Variants in HMGA2 observed in about 807,000 individuals in gnomAD.
HMGA2 encodes high mobility group AT-hook 2.
Under a neutral mutation model 19.1 loss-of-function variants are expected in HMGA2, and 8 were observed. That is an observed-to-expected ratio of 0.42 (90% CI 0.25 to 0.76). The LOEUF (loss-of-function observed/expected upper bound fraction) is 0.76, where lower values mean the gene tolerates loss of function less well. HMGA2 is among the 30% of genes least tolerant of loss of function. The pLI is 0.28. For missense variants in HMGA2, 109 were observed against 136.3 expected (o/e 0.80, Z 1.00); for synonymous variants, 60 against 48.8 (o/e 1.23, Z -0.96).
chr12:65,868,095 G>A (rs1020068923), intron 3 of HMGA2, among the ~76,000 whole-genome samples: 4 of 152,114 alleles, frequency 2.6e-5, no homozygotes, highest in African/African-American at 9.7e-5. Flanking sequence ...CATCTGAGAG[G>A]GAGCAAATAT....
At chr12:65,897,500 A>G (rs2121159107) in intron 3 of HMGA2, among the ~76,000 whole-genome samples, 1 of 152,330 alleles carries the variant, frequency 6.6e-6, no homozygotes, top group South Asian at 2.1e-4. Context: ...CTTGCCATGC[A>G]TTTTCTTATG....
At chr12:65,945,487 G>C (rs1440800273) in intron 3 of HMGA2, among the ~76,000 whole-genome samples, 11 of 151,980 alleles carry the variant, frequency 7.2e-5, no homozygotes, top group Admixed American at 3.3e-4. Context: ...CTGAGGATAA[G>C]AGCATATTTC....
At chr12:65,884,927 A>G (rs909221647) in intron 3 of HMGA2, among the ~76,000 whole-genome samples, 1 of 152,228 alleles carries the variant, frequency 6.6e-6, no homozygotes, top group East Asian at 1.9e-4. Context: ...ACATAGTGCT[A>G]TATGTGTTAA....
At chr12:65,908,931 T>C (rs778061618) in intron 3 of HMGA2, among the ~76,000 whole-genome samples, 25 of 152,200 alleles carry the variant, frequency 1.6e-4, no homozygotes, top group Non-Finnish European at 3.2e-4. Context: ...TATCCTACCA[T>C]CATCTTAAAA....
In HMGA2 at chr12:65,899,184, T is replaced by A. The variant is rs180785421; in HGVS notation, c.250-52199T>A. ...GTGTTCATCCTATTTTGCCTTCTGG[T>A]CAGTTTATAACTCGTGCTTCCGAAC... On this transcript the variant is annotated intron_variant, in intron 3 of 4. Transcript: ENST00000403681. Among the ~76,000 whole-genome samples, 9 of 152,140 alleles carry A rather than the reference T, an allele frequency of 5.9e-5. No homozygotes were observed. In the South Asian group the frequency reaches 1.7e-3, roughly 28 times the overall value.
intron 3 of HMGA2, among the ~76,000 whole-genome samples, chr12:65,878,926 GA>G (rs1281882041): frequency 6.6e-6 from 1 of 152,202 alleles, no homozygotes. Flanking sequence ...AGGTAAGATA[GA>G]AAGTGTAATA....
chr12:65,875,387 A>T (rs1004902829), intron 3 of HMGA2, among the ~76,000 whole-genome samples: 3 of 152,026 alleles, frequency 2.0e-5, no homozygotes, highest in Admixed American at 2.0e-4. Flanking sequence ...GTTGCAAAGA[A>T]ATATTTTATT....
chr12:65,947,403 C>T (rs1264997158), intron 3 of HMGA2, among the ~76,000 whole-genome samples: 1 of 152,182 alleles, frequency 6.6e-6, no homozygotes, highest in Non-Finnish European at 1.5e-5. Flanking sequence ...CACCCGGCCA[C>T]AGTTTCGTTT....
intron 4 of HMGA2, among the ~76,000 whole-genome samples, chr12:65,959,935 G>A (rs1334179840): frequency 6.6e-6 from 1 of 152,010 alleles, no homozygotes; most frequent in Non-Finnish European, 1.5e-5. Flanking sequence ...TGTCGCCCAG[G>A]CTGGAGTGCA....
intron 3 of HMGA2, among the ~76,000 whole-genome samples, chr12:65,946,847 AT>A (rs1262655855): frequency 1.3e-5 from 2 of 152,214 alleles, no homozygotes; most frequent in Non-Finnish European, 2.9e-5. Context: ...ATTTGGAGAA[AT>A]GTTCATTTGC....
At chr12:65,955,638 G>A (rs1876584551) in intron 4 of HMGA2, 1 of 152,168 alleles carries the variant, frequency 6.6e-6, no homozygotes, top group Non-Finnish European at 1.5e-5. Context: ...GATGCCTCTG[G>A]CAATTAGGAC....
chr12:65,931,079 G>A lies in HMGA2; in HGVS notation c.250-20304G>A, dbSNP rs574595721. 1.4e-4 allele frequency among the ~76,000 whole-genome samples: 21 copies of A among 152,286 alleles called. No homozygotes were observed. In the East Asian group the frequency reaches 1.9e-3, roughly 14 times the overall value. On this transcript the variant is annotated intron_variant, in intron 3 of 4. Coordinates refer to ENST00000403681, the MANE Select transcript of HMGA2 (RefSeq NM_003483.6). ...GGAGCTGTTCAGATGGCAAATCTGCGTTGAGCTGAAGGTAAAAGACATCTG... is the reference window on the plus strand; with the variant it reads ...GGAGCTGTTCAGATGGCAAATCTGCATTGAGCTGAAGGTAAAAGACATCTG...
intron 3 of HMGA2, among the ~76,000 whole-genome samples, chr12:65,898,640 T>A (rs370919791): frequency 6.6e-6 from 1 of 152,220 alleles, no homozygotes; most frequent in East Asian, 1.9e-4. Flanking sequence ...TGTACTATAA[T>A]CCTGGTGGTA....
At chr12:65,925,274 A>G (rs1875467178) in intron 3 of HMGA2, among the ~76,000 whole-genome samples, 2 of 152,184 alleles carry the variant, frequency 1.3e-5, no homozygotes, top group African/African-American at 4.8e-5. Flanking sequence ...TGTTCGCTCA[A>G]ACGTGTCCCA....
intron 3 of HMGA2, among the ~76,000 whole-genome samples, chr12:65,894,748 A>G (rs113780927): frequency 0.015 from 2,243 of 152,322 alleles, 64 homozygotes; most frequent in African/African-American, 0.051. Context: ...TATAAACTTT[A>G]TGGAAGTACA....
chr12:65,908,844 C>A (rs1279782445), intron 3 of HMGA2, among the ~76,000 whole-genome samples: 3 of 152,082 alleles, frequency 2.0e-5, no homozygotes, highest in Non-Finnish European at 4.4e-5. Flanking sequence ...CAGCAAAAGG[C>A]TTTTTTTGTT....
At chr12:65,875,694 G>A (rs1421006852) in intron 3 of HMGA2, among the ~76,000 whole-genome samples, 6 of 137,624 alleles carry the variant, frequency 4.4e-5, no homozygotes, top group Non-Finnish European at 7.6e-5. Flanking sequence ...CAGGTGATCC[G>A]CCTGACTCGG....
At chr12:65,868,181 T>C (rs934294860) in intron 3 of HMGA2, among the ~76,000 whole-genome samples, 7 of 152,350 alleles carry the variant, frequency 4.6e-5, no homozygotes, top group African/African-American at 1.4e-4. Context: ...GGATCTCTTG[T>C]GACAGTAACA....
rs572332236 is a variant in HMGA2, at chr12:65,901,349, G to A, written c.250-50034G>A. 1.8e-3 allele frequency among the ~76,000 whole-genome samples: 269 copies of A among 152,260 alleles called. 1 individual carries two copies. Among genetic ancestry groups the A allele is most frequent in the Non-Finnish European group, 2.8e-3 (191 of 68,016 alleles). ...CAAAGAAGTCACTCACATTATTGAT[G>A]AATGAGTAAACCTTTGACTTCACTG... On this transcript the variant is annotated intron_variant, in intron 3 of 4. Transcript: ENST00000403681.
Sources: gnomAD v4.1 joint callset for allele counts (sites outside exome capture counted in the v4.1 genomes callset) on GRCh38, gnomAD v4.1.1 for gene constraint, MANE v1.5 for transcripts, NCBI Gene and HGNC (gene_info 2026-07-23, HGNC 2026-07-21) for gene names.